The following ADGRD2 variants were observed in gnomAD, a reference collection of about 807,000 sequenced individuals.
ADGRD2 encodes adhesion G protein-coupled receptor D2.
In ADGRD2, 71 loss-of-function variants were observed where a neutral mutation model predicts 44.4. The observed-to-expected ratio is 1.60, with a 90% confidence interval of 1.32 to 1.95. The LOEUF (loss-of-function observed/expected upper bound fraction) is 1.95, where lower values mean the gene tolerates loss of function less well. ADGRD2 is among the 30% of genes most tolerant of loss of function. The probability of loss-of-function intolerance (pLI) is 0.00; values close to 1 mark genes in which losing one functional copy is unlikely to be tolerated. For missense variants in ADGRD2, 1,039 were observed against 512.4 expected (o/e 2.03, Z -9.92); for synonymous variants, 481 against 224.8 (o/e 2.14, Z -10.19).
Position 124,452,690 on chromosome 9 carries a change from G to A in ADGRD2, c.251G>A (p.Arg84Lys), listed in dbSNP as rs565412487. The A allele has an allele frequency of 2.0e-5, 14 of 716,488 alleles. No homozygotes were observed. In the South Asian group the frequency reaches 2.1e-4, roughly 11 times the overall value. 44.4% of individuals were successfully genotyped at this position (716,488 alleles called of 1,614,324 possible). ...CGCGATCCGGTCTGGGTGGGCCAAA[G>A]AGAGGCCCCTCTGCGGAGACCCCCA... is the stretch of plus-strand genomic sequence containing the variant. Residue 84 changes from arginine to lysine, a missense_variant, in exon 2 of 22, where the codon AGA (arginine) becomes AAA (lysine). Physicochemically the swap from Arg to Lys is conservative, Grantham distance 26 (BLOSUM62 2). Transcript: ENST00000334810.
chr9:124,462,218 C>A (rs1021963515), intron 10 of ADGRD2, among the ~76,000 whole-genome samples: 6 of 151,764 alleles, frequency 4.0e-5, no homozygotes, highest in African/African-American at 1.5e-4. Context: ...AGGCGATCTA[C>A]CATGCCTGGC....
chr9:124,466,651 A>G (rs10818976), intron 11 of ADGRD2: 138,661 of 310,002 alleles, frequency 0.45, 32,514 homozygotes, highest in East Asian at 0.66. Flanking sequence ...CTCTACCAAA[A>G]ATGCAAAAAT....
intron 17 of ADGRD2, among the ~76,000 whole-genome samples, chr9:124,474,083 C>T (rs182245545): frequency 2.0e-5 from 3 of 152,058 alleles, no homozygotes; most frequent in African/African-American, 7.2e-5. Flanking sequence ...CGAGACCAGC[C>T]TGACCAATAT....
chr9:124,456,517 G>A (rs1177720216), intron 6 of ADGRD2, 105 bp from the exon 10 acceptor site: 3 of 676,622 alleles, frequency 4.4e-6, no homozygotes, highest in South Asian at 3.3e-5. Context: ...GGTCTGGAGA[G>A]GGCAGGACCA....
intron 14 of ADGRD2, 102 bp downstream of exon 17, chr9:124,468,774 C>A (rs1831882827): frequency 3.2e-6 from 2 of 626,702 alleles, no homozygotes; most frequent in South Asian, 1.9e-5. Context: ...CAGCACCCAG[C>A]ACCACTCAGC....
At chr9:124,471,952 TG>T in intron 17 of ADGRD2, among the ~76,000 whole-genome samples, 1 of 152,336 alleles carries the variant, frequency 6.6e-6, no homozygotes, top group East Asian at 1.9e-4. Flanking sequence ...GGGTTCAGTC[TG>T]GCTGGGCCCC....
At chr9:124,467,917 T>C in intron 12 of ADGRD2, 93 bp downstream of exon 15, 1 of 706,596 alleles carries the variant, frequency 1.4e-6, no homozygotes, top group Non-Finnish European at 2.6e-6. Context: ...CCATCCTTGG[T>C]CCCAGCAGAA....
chr9:124,473,634 G>A lies in ADGRD2; in HGVS notation c.2759-1812G>A, dbSNP rs539772338. ...CCTGCACGCTGGGGGACATGGAGAT[G>A]CCCAGGGCCAAAGAATTCTGTGACA... On this transcript the variant is annotated intron_variant, in intron 17 of 21. Coordinates refer to ENST00000334810, the Ensembl canonical transcript of ADGRD2. Among the ~76,000 whole-genome samples the A allele has an allele frequency of 3.9e-4, 60 of 152,380 alleles. 1 individual carries two copies. The highest frequency in any genetic ancestry group is 8.1e-4 in the Non-Finnish European group (55 of 68,038).
upstream of ADGRD2, among the ~76,000 whole-genome samples, chr9:124,450,810 GTGAA>G (rs1831453114): frequency 6.6e-6 from 1 of 152,258 alleles, no homozygotes; most frequent in African/African-American, 2.4e-5. Flanking sequence ...GGGAAAAGGG[GTGAA>G]TGATCACTGG....
At chr9:124,452,517 G>A in exon 2 of ADGRD2, 1 of 718,544 alleles carries the variant, frequency 1.4e-6, no homozygotes, top group Non-Finnish European at 2.6e-6. Context: ...TAGCCCCCGT[G>A]GCCGCCGGCG....
At position 124,468,564 on chromosome 9, in the gene ADGRD2, GT is replaced by G; in HGVS notation, c.2280del (p.Val761GlyfsTer18). The G allele has an allele frequency of 1.4e-6, 1 of 718,650 alleles. No homozygotes were observed. The highest frequency in any genetic ancestry group is 2.6e-6 in the Non-Finnish European group (1 of 385,112). 44.5% of individuals were successfully genotyped at this position (718,650 alleles called of 1,614,324 possible). A position where few individuals can be genotyped will look rare whatever the true frequency, so the allele number is the denominator to read the frequency against. On this transcript the variant is annotated frameshift_variant, in exon 14 of 22. Transcript: ENST00000334810. LOFTEE classifies it high-confidence loss of function. ...AGTCGCAATGCACTTCCTCTTTCTG[GT>G]GGCATTCTCCTGGATGCTGGTGGAG...
exon 9 of ADGRD2, chr9:124,458,132 G>A: frequency 1.4e-6 from 1 of 718,474 alleles, no homozygotes. Context: ...GAGTCACCGT[G>A]ATCCACAGCT....
chr9:124,453,186 C>G (rs531176074), exon 3 of ADGRD2: 7 of 686,562 alleles, frequency 1.0e-5, no homozygotes, highest in Admixed American at 2.1e-5. Flanking sequence ...CGCTCTTCTC[C>G]GTTGCCGCGC....
intron 10 of ADGRD2, among the ~76,000 whole-genome samples, chr9:124,459,537 A>G (rs958175162): frequency 1.3e-5 from 2 of 152,058 alleles, no homozygotes; most frequent in African/African-American, 2.4e-5. Context: ...TCAGCCCTCC[A>G]TATGGGAGGG....
chr9:124,471,946 T>A (rs570097489), intron 17 of ADGRD2, among the ~76,000 whole-genome samples: 1 of 152,332 alleles, frequency 6.6e-6, no homozygotes, highest in East Asian at 1.9e-4. Context: ...ATGGCTGGGT[T>A]CAGTCTGGCT....
At chr9:124,452,715 A>C (rs1319016130) in exon 2 of ADGRD2, 5 of 712,610 alleles carry the variant, frequency 7.0e-6, no homozygotes, top group Non-Finnish European at 1.3e-5. Flanking sequence ...GGAGACCCCC[A>C]CAGAGGCGTG....
At chr9:124,470,082 C>A (rs568480674) in intron 16 of ADGRD2, among the ~76,000 whole-genome samples, 1 of 152,290 alleles carries the variant, frequency 6.6e-6, no homozygotes, top group African/African-American at 2.4e-5. Flanking sequence ...CCATCCTCCA[C>A]CAAGCACAGG....
At chr9:124,453,697 G>GCCCCCC in intron 3 of ADGRD2, 21 bp downstream of exon 6, 2 of 526,282 alleles carry the variant, frequency 3.8e-6, no homozygotes, top group Non-Finnish European at 7.0e-6. Context: ...CCCCGCCCCG[G>GCCCCCC]CCCCACCCCA....
At chr9:124,458,139 A>G (rs764384285) in exon 9 of ADGRD2, 2 of 718,444 alleles carry the variant, frequency 2.8e-6, no homozygotes, top group Non-Finnish European at 2.6e-6. Flanking sequence ...CGTGATCCAC[A>G]GCTGGTTCAC....
Sources: gnomAD v4.1 joint callset for allele counts (sites outside exome capture counted in the v4.1 genomes callset) on GRCh38, gnomAD v4.1.1 for gene constraint, MANE v1.5 for transcripts, NCBI Gene and HGNC (gene_info 2026-07-23, HGNC 2026-07-21) for gene names.